LAMB1: variants seen among roughly 807,000 people sequenced by gnomAD.
LAMB1 encodes laminin subunit beta 1.
LAMB1 carries 121 observed loss-of-function variants against 222.3 expected under a neutral mutation model. The ratio of observed to expected loss-of-function variants is 0.54; its 90% CI spans 0.47 to 0.63. The LOEUF is 0.63. Ranked by LOEUF, LAMB1 falls within the 30% of genes least tolerant of loss-of-function variation. The pLI, the probability that LAMB1 is intolerant of heterozygous loss-of-function variation, is 0.00. For missense variants in LAMB1, 2,172 were observed against 2,240.8 expected, an observed-to-expected ratio of 0.97 and a Z score of 0.62; for synonymous variants, 794 against 807.2, an observed-to-expected ratio of 0.98 and a Z score of 0.28.
At chr7:107,997,444 CAA>C (rs1040570685) in intron 4 of LAMB1, among the ~76,000 whole-genome samples, 3 of 151,536 alleles carry the variant, frequency 2.0e-5, no homozygotes, top group Admixed American at 6.6e-5. Flanking sequence ...AACAAACAAA[CAA>C]ACAGTCAATG....
rs142671608 is a variant in LAMB1, at chr7:107,939,129, G to A, written c.3761+860C>T. Among the ~76,000 whole-genome samples the A allele has an allele frequency of 6.6e-5, 10 of 152,224 alleles. No individual in the cohort carries two copies. The East Asian group carries it at 1.9e-3, about 29-fold the overall frequency. ...GCAGTGAAAAAACCATAGCATCTAG[G>A]GAAGCACAGATGCCTCATACCCTTT... On this transcript the variant is annotated intron_variant, in intron 25 of 33. Transcript: ENST00000222399.
rs192862218 is a variant in LAMB1, at chr7:107,929,065, G to A, written c.4886C>T (p.Ser1629Leu). 56 of 1,613,654 alleles carry A rather than the reference G, an allele frequency of 3.5e-5. No individual in the cohort carries two copies. The highest frequency in any genetic ancestry group is 2.1e-4 in the South Asian group (19 of 91,060). ...DIQGTQNLLT[S>L]IESETAASEE... ...CATGTAATGATTGTGTATGCCTACC[G>A]AAGTTAACAGGTTCTGGGTTCCTTG... Residue 1629 changes from serine to leucine, a missense_variant and splice_region_variant, in exon 31 of 34, where the codon TCG becomes TTG. By Grantham distance (145) the Ser-to-Leu change is moderately radical. Coordinates refer to ENST00000222399, the MANE Select transcript of LAMB1 (RefSeq NM_002291.3).
chr7:107,992,452 A>C (rs1365878927), intron 5 of LAMB1, among the ~76,000 whole-genome samples: 1 of 152,222 alleles, frequency 6.6e-6, no homozygotes, highest in Non-Finnish European at 1.5e-5. Context: ...AGTTTCTTAC[A>C]AACAGAAGAT....
intron 24 of LAMB1, among the ~76,000 whole-genome samples, chr7:107,944,647 T>C (rs1294573143): frequency 2.0e-5 from 3 of 152,214 alleles, no homozygotes; most frequent in Non-Finnish European, 4.4e-5. Context: ...ATTGCTTCTC[T>C]TGGAGTCACC....
At position 107,952,120 on chromosome 7, in the gene LAMB1, G is replaced by T; in HGVS notation, c.3183C>A (p.Ile1061=). ...GCGCACAGCGGTCACAGTTCTGCCC[G>T]ATCACATTAGGAAGACACAAGCACT... ...TGQCLCLPNV[I]GQNCDRCAPN... The change falls in exon 23 of 34, where the codon ATC becomes ATA. Residue 1061 remains isoleucine (I), a synonymous_variant. Transcript: ENST00000222399. 1 of 1,613,942 alleles carries T rather than the reference G, an allele frequency of 6.2e-7. No individual in the cohort carries two copies. The highest frequency in any genetic ancestry group is 8.5e-7 in the Non-Finnish European group (1 of 1,179,900).
Position 107,960,533 on chromosome 7 carries a change from G to C in LAMB1, c.2226C>G (p.Asn742Lys). The C allele has an allele frequency of 1.2e-6, 2 of 1,614,172 alleles. No individual in the cohort carries two copies. The highest frequency in any genetic ancestry group is 1.7e-6 in the Non-Finnish European group (2 of 1,179,982). Residue 742 changes from asparagine (N) to lysine (K), a missense_variant, in exon 18 of 34, where the codon AAC becomes AAG. Coordinates refer to ENST00000222399, the MANE Select transcript of LAMB1 (RefSeq NM_002291.3). ...TCGGTGTTTTCACAACGCTTCTGCT[G>C]TTCTCTAGACATCGGTATCTCTGAA... ...ETFQRYRCLE[N>K]SRSVVKTPMT...
At chr7:107,979,217 G>C (rs900769142) in intron 8 of LAMB1, among the ~76,000 whole-genome samples, 6 of 152,204 alleles carry the variant, frequency 3.9e-5, no homozygotes, top group African/African-American at 1.4e-4. Context: ...GGACCAATAA[G>C]ATTAGAGAAA....
At chr7:107,925,507 C>T (rs2032541426) in intron 32 of LAMB1, among the ~76,000 whole-genome samples, 1 of 152,058 alleles carries the variant, frequency 6.6e-6, no homozygotes, top group African/African-American at 2.4e-5. Context: ...GGAAACTGGT[C>T]CTTGGTGCCA....
rs745835004 is a variant in LAMB1, at chr7:107,953,753, A to G, written c.2856T>C (p.Gly952=). Residue 952 remains glycine (G), a splice_region_variant and synonymous_variant, in exon 22 of 34, where the codon GGT becomes GGC. Coordinates refer to ENST00000222399, the MANE Select transcript of LAMB1 (RefSeq NM_002291.3). ...LACVCDPGYI[G]SRCDDCASGY... ...CTGAGGCACAGTCGTCACATCTGGA[A>G]CCTGTCACCCGATAAAACCAAACAC... 1.1e-5 allele frequency: 17 copies of G among 1,613,746 alleles called. No individual in the cohort carries two copies. Among genetic ancestry groups the G allele is most frequent in the Non-Finnish European group, 1.4e-5 (17 of 1,179,776 alleles).
At chr7:107,951,879 T>C (rs2033258854) in intron 23 of LAMB1, 130 bp downstream of exon 23, 9 of 738,420 alleles carry the variant, frequency 1.2e-5, no homozygotes, top group Non-Finnish European at 2.0e-5. Context: ...GGGGTACAAA[T>C]GAGGGCTAAG....
intron 5 of LAMB1, among the ~76,000 whole-genome samples, chr7:107,994,413 C>T (rs941999355): frequency 3.9e-5 from 6 of 152,012 alleles, no homozygotes; most frequent in South Asian, 2.1e-4. Context: ...AAGCACAAGT[C>T]GAATGATTCT....
chr7:107,991,078 T>C (rs1420682646), intron 5 of LAMB1, among the ~76,000 whole-genome samples: 3 of 152,196 alleles, frequency 2.0e-5, no homozygotes, highest in African/African-American at 4.8e-5. Flanking sequence ...TTTTTTGGTA[T>C]TAATTTTTTT....
intron 27 of LAMB1, 84 bp downstream of exon 27, chr7:107,935,331 T>TG: frequency 1.3e-6 from 2 of 1,516,518 alleles, no homozygotes; most frequent in Non-Finnish European, 1.8e-6. Context: ...TGACAAAAGA[T>TG]GGTTTGTTTT....
intron 2 of LAMB1, chr7:108,002,471 A>C: frequency 7.9e-7 from 1 of 1,263,240 alleles, no homozygotes; most frequent in Non-Finnish European, 1.0e-6. Flanking sequence ...CGCTCAGCTC[A>C]GGCACTCTCC....
In LAMB1 at chr7:108,003,136, T is replaced by A; in HGVS notation, c.-112A>T. On this transcript the variant is annotated 5_prime_UTR_variant, in exon 1 of 34. Coordinates refer to ENST00000222399, the MANE Select transcript of LAMB1 (RefSeq NM_002291.3). Reference sequence around the variant, plus strand: ...CCGGCGACGCGAGCTCTCGCCCTGCTCCGGGAGCCCCCGAGCCCAAAGAAG... The same window carrying A: ...CCGGCGACGCGAGCTCTCGCCCTGCACCGGGAGCCCCCGAGCCCAAAGAAG... 1 of 699,432 alleles carries A rather than the reference T, an allele frequency of 1.4e-6. No homozygotes were observed. Among genetic ancestry groups the A allele is most frequent in the South Asian group, 2.3e-5 (1 of 42,754 alleles). 43.3% of individuals were successfully genotyped at this position (699,432 alleles called of 1,614,324 possible). A position where few individuals can be genotyped will look rare whatever the true frequency, so the allele number is the denominator to read the frequency against.
chr7:107,955,512 G>A lies in LAMB1; in HGVS notation c.2809C>T (p.Pro937Ser). 1.2e-6 allele frequency: 2 copies of A among 1,614,040 alleles called. No homozygotes were observed. The highest frequency in any genetic ancestry group is 2.2e-5 in the South Asian group (2 of 91,062). ...ACACAGGCAAGCTGTAAAGTAACAGGATCTTGGTAGCAGCTCCTGGCAAAC... is the reference window on the plus strand; with the variant it reads ...ACACAGGCAAGCTGTAAAGTAACAGAATCTTGGTAGCAGCTCCTGGCAAAC... ...RQFARSCYQD[P>S]VTLQLACVCD... The change falls in exon 21 of 34, where the codon CCT (proline) becomes TCT (serine). Residue 937 changes from proline (P) to serine (S), a missense_variant. Pro to Ser is a moderately conservative substitution (Grantham distance 74, BLOSUM62 -1). Transcript: ENST00000222399.
intron 14 of LAMB1, among the ~76,000 whole-genome samples, chr7:107,963,469 A>G (rs2033557000): frequency 6.6e-6 from 1 of 152,214 alleles, no homozygotes; most frequent in African/African-American, 2.4e-5. Context: ...TACTGGCATT[A>G]GTTTCAGGCT....
chr7:107,926,835 A>AC, intron 31 of LAMB1, among the ~76,000 whole-genome samples: 1 of 152,236 alleles, frequency 6.6e-6, no homozygotes, highest in East Asian at 1.9e-4. Context: ...GAGACTAGGG[A>AC]TGTTCTTTGA....
At chr7:107,994,748 C>CA in intron 5 of LAMB1, 139 bp downstream of exon 5, 1 of 536,304 alleles carries the variant, frequency 1.9e-6, no homozygotes, top group Non-Finnish European at 3.4e-6. Context: ...GTTTTAAAAA[C>CA]TGCTCAATTA....
Sources: allele counts gnomAD v4.1 joint callset (sites outside exome capture counted in the v4.1 genomes callset), GRCh38; gene constraint gnomAD v4.1.1; transcripts MANE v1.5; gene names NCBI Gene and HGNC (gene_info 2026-07-23, HGNC 2026-07-21).